The following NF1 variants were observed in gnomAD, a reference collection of about 807,000 sequenced individuals.
NF1 encodes the protein neurofibromin.
NF1 carries 122 observed loss-of-function variants against 325.7 expected under a neutral mutation model. The ratio of observed to expected loss-of-function variants is 0.37; its 90% CI spans 0.32 to 0.44. The LOEUF is 0.44. NF1 is among the 20% of genes least tolerant of loss of function. The pLI is 1.00. For synonymous variants in NF1, 1,091 were observed against 1,186.0 expected (o/e 0.92, Z 1.65); for missense variants, 2,140 against 3,415.4 (o/e 0.63, Z 9.31).
At chr17:31,212,265 C>T (rs1475600618) in intron 12 of NF1, among the ~76,000 whole-genome samples, 1 of 152,182 alleles carries the variant, frequency 6.6e-6, no homozygotes, top group African/African-American at 2.4e-5. Context: ...ACATCTGCTC[C>T]CATTGGAAGG....
intron 36 of NF1, among the ~76,000 whole-genome samples, chr17:31,266,819 C>A (rs1209861275): frequency 1.3e-5 from 2 of 151,704 alleles, no homozygotes. Context: ...AAAGATTGGA[C>A]CTGCTGCAGA....
rs535911128 is a variant in NF1, at chr17:31,374,279, C to T, written c.*124C>T. Reference sequence around the variant, plus strand: ...ACTTCCTGTTTTATAATGAACCCATCCGGTTTGCCATGTTGCCAGATGATC... The same window carrying T: ...ACTTCCTGTTTTATAATGAACCCATTCGGTTTGCCATGTTGCCAGATGATC... On this transcript the variant is annotated 3_prime_UTR_variant, in exon 58 of 58. Coordinates refer to ENST00000358273, the MANE Select transcript of NF1 (RefSeq NM_001042492.3). 1.1e-5 allele frequency: 14 copies of T among 1,301,328 alleles called. No homozygotes were observed. In the East Asian group the frequency reaches 3.2e-4, roughly 30 times the overall value. The allele number at this position is 1,301,328 out of a possible 1,614,324, so 80.6% of individuals were successfully genotyped here.
chr17:31,305,276 T>C, intron 36 of NF1: 1 of 1,614,104 alleles, frequency 6.2e-7, no homozygotes, highest in Non-Finnish European at 8.5e-7. Flanking sequence ...GTGTTGGCTA[T>C]TGGTGTTGGT....
intron 40 of NF1, 63 bp downstream of exon 40, chr17:31,335,094 C>T (rs1236112858): frequency 7.1e-7 from 1 of 1,408,728 alleles, no homozygotes; most frequent in African/African-American, 1.4e-5. Flanking sequence ...TCTGGTGCCA[C>T]ATTGGGCAAA....
At chr17:31,304,244 A>T in intron 36 of NF1, 1 of 1,558,552 alleles carries the variant, frequency 6.4e-7, no homozygotes, top group South Asian at 1.2e-5. Context: ...AAGATCAGCT[A>T]AAAAGCAAGT....
At chr17:31,095,592 T>A in intron 1 of NF1, 1 of 428,060 alleles carries the variant, frequency 2.3e-6, no homozygotes, top group Non-Finnish European at 4.3e-6. Flanking sequence ...CCCTCCTAAG[T>A]CGGGGGGTGG....
intron 1 of NF1, among the ~76,000 whole-genome samples, chr17:31,121,661 T>G (rs1914452113): frequency 6.6e-6 from 1 of 152,180 alleles, no homozygotes; most frequent in Non-Finnish European, 1.5e-5. Flanking sequence ...CAAAGGCCTT[T>G]TCTTCATCTA....
intron 48 of NF1, among the ~76,000 whole-genome samples, chr17:31,348,354 A>C (rs1310684652): frequency 9.4e-5 from 13 of 137,850 alleles, no homozygotes; most frequent in African/African-American, 3.2e-4. Context: ...AGGTACGGGA[A>C]GTGGCCTGAT....
At chr17:31,147,223 G>C (rs552081028) in intron 1 of NF1, among the ~76,000 whole-genome samples, 1 of 152,136 alleles carries the variant, frequency 6.6e-6, no homozygotes, top group African/African-American at 2.4e-5. Context: ...AGTCCTCCTC[G>C]TGTTTCCTTT....
At chr17:31,352,656 C>T (rs1223946286) in intron 51 of NF1, among the ~76,000 whole-genome samples, 1 of 151,996 alleles carries the variant, frequency 6.6e-6, no homozygotes, top group Non-Finnish European at 1.5e-5. Context: ...TTGTGACTCT[C>T]CTTATTTTGT....
chr17:31,168,700 G>T (rs2143700743), intron 4 of NF1, among the ~76,000 whole-genome samples: 1 of 152,110 alleles, frequency 6.6e-6, no homozygotes, highest in East Asian at 1.9e-4. Flanking sequence ...ATCACATCAG[G>T]AAACATGTCC....
chr17:31,155,045 C>G (rs1284961455), intron 1 of NF1, among the ~76,000 whole-genome samples: 1 of 152,132 alleles, frequency 6.6e-6, no homozygotes, highest in Non-Finnish European at 1.5e-5. Flanking sequence ...TATTTCTTTA[C>G]TATCAAAATA....
rs1449178444 is a variant in NF1 at position 31,327,621 on chromosome 17, C to T, written c.5391C>T (p.Asn1797=). 1 of 1,614,014 alleles carries T rather than the reference C, an allele frequency of 6.2e-7. No individual in the cohort carries two copies. Among genetic ancestry groups the T allele is most frequent in the Non-Finnish European group, 8.5e-7 (1 of 1,180,032 alleles). The change falls in exon 38 of 58, where the codon AAC becomes AAT. Residue 1797 remains asparagine, a synonymous_variant. Transcript: ENST00000358273. ...EIEEICLVDE[N]QFTLTIANQG... is the part of the protein sequence containing the mutation. ...AAGAAATCTGCCTAGTAGATGAGAA[C>T]CAGTTCACCTTAACCATTGCAAACC...
chr17:31,173,087 C>A (rs1379506403), intron 5 of NF1, among the ~76,000 whole-genome samples: 1 of 151,722 alleles, frequency 6.6e-6, no homozygotes, highest in Non-Finnish European at 1.5e-5. Flanking sequence ...TCGAGACCAG[C>A]CTGGCCAACA....
intron 36 of NF1, among the ~76,000 whole-genome samples, chr17:31,291,746 A>G (rs928307051): frequency 2.0e-5 from 3 of 152,242 alleles, no homozygotes; most frequent in African/African-American, 2.4e-5. Context: ...TAAGTTAGCT[A>G]TAGAAGCCAT....
At chr17:31,102,885 G>C (rs1323768510) in intron 1 of NF1, among the ~76,000 whole-genome samples, 1 of 145,090 alleles carries the variant, frequency 6.9e-6, no homozygotes, top group Non-Finnish European at 1.5e-5. Flanking sequence ...TCGCTCTATT[G>C]CCCAGGTTGG....
intron 32 of NF1, 98 bp downstream of exon 32, chr17:31,258,600 C>A (rs1219514203): frequency 9.5e-6 from 12 of 1,262,746 alleles, no homozygotes; most frequent in Non-Finnish European, 1.3e-5. Flanking sequence ...ATTTGAAATA[C>A]CCTATGGTTT....
intron 14 of NF1, 154 bp downstream of exon 14, chr17:31,219,272 T>C: frequency 1.4e-6 from 1 of 730,214 alleles, no homozygotes; most frequent in South Asian, 2.1e-5. Context: ...TAAAACTCCA[T>C]GGAGAAAGAA....
chr17:31,124,730 G>C (rs1323444238), intron 1 of NF1, among the ~76,000 whole-genome samples: 1 of 150,282 alleles, frequency 6.7e-6, no homozygotes, highest in Non-Finnish European at 1.5e-5. Context: ...CTCCTGAGTA[G>C]CTGGGACTAC....
Sources: gnomAD v4.1 joint callset for allele counts (sites outside exome capture counted in the v4.1 genomes callset) on GRCh38, gnomAD v4.1.1 for gene constraint, MANE v1.5 for transcripts, NCBI Gene and HGNC (gene_info 2026-07-23, HGNC 2026-07-21) for gene names.